Variants in ASAP2 observed in about 807,000 individuals in gnomAD.
The protein encoded by ASAP2 is arf-GAP with SH3 domain, ANK repeat and PH domain-containing protein 2.
In ASAP2, 45 loss-of-function variants were observed where a neutral mutation model predicts 131.4. The observed-to-expected ratio is 0.34, with a 90% CI of 0.27 to 0.44. ASAP2 has a LOEUF of 0.44. ASAP2 is among the 20% of genes least tolerant of loss of function. The pLI, the probability that ASAP2 is intolerant of heterozygous loss-of-function variation, is 1.00. For missense variants in ASAP2, 1,011 were observed against 1,297.0 expected, an observed-to-expected ratio of 0.78 and a Z score of 3.39; for synonymous variants, 510 against 503.0, an observed-to-expected ratio of 1.01 and a Z score of -0.19.
chr2:9,264,051 G>A (rs987869194), intron 1 of ASAP2, among the ~76,000 whole-genome samples: 1 of 151,956 alleles, frequency 6.6e-6, no homozygotes, highest in African/African-American at 2.4e-5. Context: ...AATTAACCAG[G>A]TATGGTGGTA....
At position 9,358,374 on chromosome 2, in the gene ASAP2, G is replaced by T. The variant is rs549593864; in HGVS notation, c.1328-382G>T. Among the ~76,000 whole-genome samples the T allele has an allele frequency of 3.3e-5, 5 of 152,298 alleles. No individual in the cohort carries two copies. The South Asian group carries it at 1.0e-3, about 32-fold the overall frequency. ...ATTCCCCTTTTACAAGTAGACTTTG[G>T]CTGGTCTCATTGTTTTCCTCTTGCT... On this transcript the variant is annotated intron_variant, in intron 14 of 27. Transcript: ENST00000281419.
intron 1 of ASAP2, among the ~76,000 whole-genome samples, chr2:9,277,733 C>T (rs1425559037): frequency 6.6e-6 from 1 of 152,212 alleles, no homozygotes. Context: ...TATATCTTTA[C>T]TTCACCTTAG....
At chr2:9,228,117 A>G (rs1194535358) in intron 1 of ASAP2, among the ~76,000 whole-genome samples, 1 of 152,248 alleles carries the variant, frequency 6.6e-6, no homozygotes, top group Non-Finnish European at 1.5e-5. Flanking sequence ...TGAGGTTTTA[A>G]GAATTCTGGA....
At chr2:9,264,680 G>A (rs1275008364) in intron 1 of ASAP2, among the ~76,000 whole-genome samples, 3 of 152,042 alleles carry the variant, frequency 2.0e-5, no homozygotes, top group African/African-American at 7.3e-5. Context: ...ATCTAGGTGC[G>A]CGCTATAACT....
chr2:9,401,089 G>C (rs1044477998), intron 26 of ASAP2, among the ~76,000 whole-genome samples, 185 bp from the exon 27 acceptor site: 1 of 151,966 alleles, frequency 6.6e-6, no homozygotes, highest in Non-Finnish European at 1.5e-5. Flanking sequence ...CTGCTTGGTG[G>C]GGAGCTCTTC....
At position 9,296,589 on chromosome 2, in the gene ASAP2, C is replaced by T. The variant is rs116584568; in HGVS notation, c.200-711C>T. Among the ~76,000 whole-genome samples the T allele has an allele frequency of 5.5e-3, 839 of 152,370 alleles. 8 individuals carry two copies. The highest frequency in any genetic ancestry group is 0.015 in the African/African-American group (620 of 41,596). ...GTCTAATATTTCAGGCACACGACTTCGTCGAAGATGAATACAACTTAGTCT... is the reference window on the plus strand; with the variant it reads ...GTCTAATATTTCAGGCACACGACTTTGTCGAAGATGAATACAACTTAGTCT... On this transcript the variant is annotated intron_variant, in intron 2 of 27. Transcript: ENST00000281419.
intron 1 of ASAP2, among the ~76,000 whole-genome samples, chr2:9,252,901 C>T (rs11892019): frequency 0.22 from 31,894 of 141,858 alleles, 3,841 homozygotes; most frequent in African/African-American, 0.29. Context: ...CGCGACAAAG[C>T]GAGACTCCGT....
chr2:9,252,165 C>A lies in ASAP2; in HGVS notation c.127-27152C>A, dbSNP rs115534094. Among the ~76,000 whole-genome samples, 296 of 152,264 alleles carry A rather than the reference C, an allele frequency of 1.9e-3. 1 individual carries two copies. Among genetic ancestry groups the A allele is most frequent in the African/African-American group, 6.6e-3 (276 of 41,540 alleles). ...GGTCACTCAGGCCAGGGAGGGCAGG[C>A]GTGCCTGACACCAGCTGCTAGGACT... On this transcript the variant is annotated intron_variant, in intron 1 of 27. Coordinates refer to ENST00000281419, the MANE Select transcript of ASAP2 (RefSeq NM_003887.3).
Position 9,388,307 on chromosome 2 carries a change from G to A in ASAP2, c.2144G>A (p.Arg715Gln), listed in dbSNP as rs754786610. Residue 715 changes from arginine (R) to glutamine (Q), a missense_variant, in exon 22 of 28, where the codon CGG becomes CAG. Transcript: ENST00000281419. ...GTTCTCCTGCAGCCCAGTCCCAACC[G>A]GCGGGAAGACCGGCCCATCAGCTTC... Reference protein sequence around the residue: ...MDEKLQPSPNRREDRPISFYQ... With the variant: ...MDEKLQPSPNQREDRPISFYQ... 12 of 1,613,776 alleles carry A rather than the reference G, an allele frequency of 7.4e-6. No homozygotes were observed. The highest frequency in any genetic ancestry group is 3.3e-5 in the South Asian group (3 of 91,032).
At chr2:9,328,397 T>C (rs758147451) in intron 7 of ASAP2, among the ~76,000 whole-genome samples, 5 of 152,222 alleles carry the variant, frequency 3.3e-5, no homozygotes, top group Non-Finnish European at 5.9e-5. Flanking sequence ...AAAAAATCTG[T>C]AGTAATTGCC....
At chr2:9,322,296 C>T (rs1670200863) in intron 5 of ASAP2, among the ~76,000 whole-genome samples, 1 of 152,186 alleles carries the variant, frequency 6.6e-6, no homozygotes, top group African/African-American at 2.4e-5. Flanking sequence ...TGACAGGGAG[C>T]CCTCTGGAAC....
At chr2:9,242,351 G>A (rs1664035103) in intron 1 of ASAP2, among the ~76,000 whole-genome samples, 1 of 152,200 alleles carries the variant, frequency 6.6e-6, no homozygotes, top group Admixed American at 6.5e-5. Context: ...GTAAATGTTT[G>A]TTGAATAAGT....
intron 22 of ASAP2, 111 bp downstream of exon 22, chr2:9,388,657 T>C: frequency 7.0e-7 from 1 of 1,434,736 alleles, no homozygotes; most frequent in Non-Finnish European, 9.2e-7. Context: ...TCTTTTGTTT[T>C]GTAGTTATTT....
In ASAP2 at chr2:9,302,026, C is replaced by T. The variant is rs1186980441; in HGVS notation, c.345+4581C>T. Among the ~76,000 whole-genome samples, 7 of 151,040 alleles carry T rather than the reference C, an allele frequency of 4.6e-5. No individual in the cohort carries two copies. The South Asian group carries it at 6.3e-4, about 14-fold the overall frequency. ...TTTTAGTAGAGATGGGGTTTCACCA[C>T]GTTAGCCAGGATGGTCTCGATCTCC... On this transcript the variant is annotated intron_variant, in intron 3 of 27. Coordinates refer to ENST00000281419, the MANE Select transcript of ASAP2 (RefSeq NM_003887.3).
intron 1 of ASAP2, among the ~76,000 whole-genome samples, chr2:9,238,228 G>C (rs138797986): frequency 6.6e-6 from 1 of 152,288 alleles, no homozygotes; most frequent in East Asian, 1.9e-4. Context: ...TATTTGTTCT[G>C]TTTTTAAAAC....
At chr2:9,370,170 C>G (rs1221222748) in intron 16 of ASAP2, among the ~76,000 whole-genome samples, 1 of 152,096 alleles carries the variant, frequency 6.6e-6, no homozygotes, top group Non-Finnish European at 1.5e-5. Context: ...TGTGGCATGT[C>G]TTTGAGAAAC....
chr2:9,371,152 TG>T (rs1673921954), intron 16 of ASAP2, among the ~76,000 whole-genome samples: 1 of 152,212 alleles, frequency 6.6e-6, no homozygotes, highest in Non-Finnish European at 1.5e-5. Flanking sequence ...GCCTTGGCAC[TG>T]TTGAAAAAGA....
At chr2:9,308,196 A>G (rs1437443733) in intron 3 of ASAP2, among the ~76,000 whole-genome samples, 1 of 152,242 alleles carries the variant, frequency 6.6e-6, no homozygotes, top group East Asian at 1.9e-4. Flanking sequence ...TAGAGGAAGC[A>G]TGGCAGCATC....
chr2:9,335,026 CCAA>C, intron 8 of ASAP2, 64 bp from the exon 9 acceptor site: 1 of 1,525,602 alleles, frequency 6.6e-7, no homozygotes, highest in Non-Finnish European at 9.1e-7. Context: ...CCCATGAGCA[CCAA>C]CGTTTCACTG....
Sources: gnomAD v4.1 joint callset for allele counts (sites outside exome capture counted in the v4.1 genomes callset) on GRCh38, gnomAD v4.1.1 for gene constraint, MANE v1.5 for transcripts, NCBI Gene and HGNC (gene_info 2026-07-23, HGNC 2026-07-21) for gene names.